MROH9: variants seen among roughly 807,000 people sequenced by gnomAD.
The protein encoded by MROH9 is maestro heat-like repeat-containing protein family member 9.
In MROH9, 92 loss-of-function variants were observed where a neutral mutation model predicts 98.2. That is an observed-to-expected ratio of 0.94 (90% CI 0.79 to 1.11). The LOEUF (loss-of-function observed/expected upper bound fraction) is 1.11, where lower values mean the gene tolerates loss of function less well. Among genes scored for constraint, MROH9 ranks in the 50% most tolerant of loss-of-function variants. The probability of loss-of-function intolerance (pLI) is 0.00; values close to 1 mark genes in which losing one functional copy is unlikely to be tolerated. For missense variants in MROH9, 1,057 were observed against 1,014.8 expected (o/e 1.04, Z -0.57); for synonymous variants, 397 against 368.9 (o/e 1.08, Z -0.87).
intron 10 of MROH9, among the ~76,000 whole-genome samples, chr1:170,989,608 T>C (rs1185066894): frequency 2.0e-5 from 3 of 152,208 alleles, no homozygotes; most frequent in Non-Finnish European, 4.4e-5. Flanking sequence ...CCTCCCAAAA[T>C]AAACTTTTAA....
At chr1:170,969,665 C>T (rs1401481955) in intron 7 of MROH9, among the ~76,000 whole-genome samples, 3 of 152,038 alleles carry the variant, frequency 2.0e-5, no homozygotes. Flanking sequence ...TTAACACTAT[C>T]ATTACTGTTA....
At chr1:171,058,016 A>G (rs1009485494) in intron 20 of MROH9, among the ~76,000 whole-genome samples, 1 of 152,202 alleles carries the variant, frequency 6.6e-6, no homozygotes, top group African/African-American at 2.4e-5. Context: ...AAACAAATAA[A>G]GCATATTCAA....
intron 7 of MROH9, among the ~76,000 whole-genome samples, chr1:170,967,145 C>T (rs1650263698): frequency 1.3e-5 from 2 of 152,270 alleles, no homozygotes; most frequent in South Asian, 2.1e-4. Context: ...AGAAGGTTCT[C>T]ATAAATTGTT....
At chr1:171,006,584 TTGTG>T (rs1293488521) in intron 15 of MROH9, among the ~76,000 whole-genome samples, 1 of 152,128 alleles carries the variant, frequency 6.6e-6, no homozygotes, top group African/African-American at 2.4e-5. Flanking sequence ...TGTCTGAATC[TTGTG>T]AGGGTTATAG....
intron 20 of MROH9, among the ~76,000 whole-genome samples, chr1:171,041,644 CATA>C (rs1653310124): frequency 6.6e-6 from 1 of 151,726 alleles, no homozygotes; most frequent in Admixed American, 6.6e-5. Flanking sequence ...GAGAAATCAA[CATA>C]ATGTTTTCCA....
Position 171,014,204 on chromosome 1 carries a change from A to G in MROH9, c.1684A>G (p.Ser562Gly). The change falls in exon 16 of 22, where the codon AGC (serine) becomes GGC (glycine). Residue 562 changes from serine to glycine, a missense_variant. Physicochemically the swap from Ser to Gly is moderately conservative, Grantham distance 56 (BLOSUM62 0). Coordinates refer to ENST00000367759, the MANE Select transcript of MROH9 (RefSeq NM_001163629.2). ...NWINDSNPVV[S>G]RLILHRIVHM... ...GATCAATGATTCCAATCCTGTAGTTAGCAGACTGATCCTTCATAGAATTGT... is the reference window on the plus strand; with the variant it reads ...GATCAATGATTCCAATCCTGTAGTTGGCAGACTGATCCTTCATAGAATTGT... 2 of 1,551,344 alleles carry G rather than the reference A, an allele frequency of 1.3e-6. No individual in the cohort carries two copies. Among genetic ancestry groups the G allele is most frequent in the Non-Finnish European group, 1.7e-6 (2 of 1,146,758 alleles).
At chr1:170,958,825 A>G (rs1047255432) in intron 4 of MROH9, among the ~76,000 whole-genome samples, 1 of 152,220 alleles carries the variant, frequency 6.6e-6, no homozygotes, top group Non-Finnish European at 1.5e-5. Context: ...CATTGATTAC[A>G]GAAAATGGGT....
At chr1:170,975,322 T>G (rs902922944) in intron 8 of MROH9, among the ~76,000 whole-genome samples, 3 of 152,140 alleles carry the variant, frequency 2.0e-5, no homozygotes, top group Admixed American at 6.5e-5. Flanking sequence ...AGTGGCTATA[T>G]TCTATTATTA....
chr1:171,035,042 A>G (rs1653050854), intron 20 of MROH9, among the ~76,000 whole-genome samples: 1 of 152,198 alleles, frequency 6.6e-6, no homozygotes, highest in African/African-American at 2.4e-5. Context: ...AGAAGAATCA[A>G]ACAATGTAAA....
intron 2 of MROH9, 44 bp from the exon 3 acceptor site, chr1:170,947,483 T>C: frequency 6.5e-7 from 1 of 1,545,704 alleles, no homozygotes. Context: ...ATGATAGGAG[T>C]CTATGTTCAT....
At chr1:170,949,175 G>C (rs531103149) in intron 3 of MROH9, among the ~76,000 whole-genome samples, 1 of 152,160 alleles carries the variant, frequency 6.6e-6, no homozygotes, top group South Asian at 2.1e-4. Context: ...TGCTCCCAGA[G>C]AGGGGATGTG....
rs1450421620 is a variant in MROH9 at position 170,952,597 on chromosome 1, T to C, written c.72+5024T>C. Among the ~76,000 whole-genome samples, 3 of 107,328 alleles carry C rather than the reference T, an allele frequency of 2.8e-5. 1 individual carries two copies. Among genetic ancestry groups the C allele is most frequent in the South Asian group, 7.1e-4 (2 of 2,832 alleles). The allele number at this position is 107,328 out of a possible 152,430, so 70.4% of individuals were successfully genotyped here. On this transcript the variant is annotated intron_variant, in intron 3 of 21. Transcript: ENST00000367759. Reference sequence around the variant, plus strand: ...GCGGAACATCACACACTGGGGCCTGTTGTGGAGTTGGGGGAGGGGGGAGGG... The same window carrying C: ...GCGGAACATCACACACTGGGGCCTGCTGTGGAGTTGGGGGAGGGGGGAGGG...
intron 7 of MROH9, 144 bp downstream of exon 7, chr1:170,965,399 G>A (rs1328157928): frequency 2.3e-5 from 13 of 556,460 alleles, no homozygotes; most frequent in Non-Finnish European, 3.5e-5. Flanking sequence ...CAGAAAAGGA[G>A]TCAATATCCC....
intron 17 of MROH9, 96 bp from the exon 18 acceptor site, chr1:171,024,299 A>ACGG (rs749694496): frequency 0.11 from 75,316 of 715,430 alleles, 4,285 homozygotes; most frequent in Middle Eastern, 0.17. Flanking sequence ...GTATATTTAT[A>ACGG]TGGGGTGTGT....
At chr1:170,976,797 G>A (rs928068144) in intron 8 of MROH9, among the ~76,000 whole-genome samples, 2 of 152,176 alleles carry the variant, frequency 1.3e-5, no homozygotes, top group Non-Finnish European at 2.9e-5. Flanking sequence ...GGTTGGGGAA[G>A]TTTTCATGGA....
At chr1:171,016,472 AT>A in intron 17 of MROH9, 136 bp downstream of exon 17, 1 of 625,402 alleles carries the variant, frequency 1.6e-6, no homozygotes, top group Non-Finnish European at 2.4e-6. Flanking sequence ...AGATAAAAAT[AT>A]TAGGTAAGTA....
intron 3 of MROH9, among the ~76,000 whole-genome samples, chr1:170,953,139 A>G (rs923984941): frequency 1.3e-5 from 2 of 152,120 alleles, no homozygotes; most frequent in African/African-American, 4.8e-5. Flanking sequence ...TTGTCTTATC[A>G]TTAGAAACAT....
chr1:171,025,214 A>G (rs564746376), intron 19 of MROH9, 104 bp from the exon 20 acceptor site: 88 of 662,998 alleles, frequency 1.3e-4, no homozygotes, highest in African/African-American at 1.2e-3. Context: ...AGCATCCCCA[A>G]TTTCTAATTT....
intron 1 of MROH9, among the ~76,000 whole-genome samples, chr1:170,936,815 A>G (rs1415925992): frequency 6.6e-6 from 1 of 152,102 alleles, no homozygotes; most frequent in African/African-American, 2.4e-5. Flanking sequence ...ATTAACCTCC[A>G]AAGGACTGAG....
Sources: allele counts gnomAD v4.1 joint callset (sites outside exome capture counted in the v4.1 genomes callset), GRCh38; gene constraint gnomAD v4.1.1; transcripts MANE v1.5; gene names NCBI Gene and HGNC (gene_info 2026-07-23, HGNC 2026-07-21).